The following ARHGAP44 variants were observed in gnomAD, a reference collection of about 807,000 sequenced individuals.
ARHGAP44 encodes the protein rho GTPase-activating protein 44.
A neutral mutation model predicts 106.8 loss-of-function variants in ARHGAP44; 43 were observed. That is an observed-to-expected ratio of 0.40 (90% CI 0.32 to 0.52). The LOEUF (loss-of-function observed/expected upper bound fraction) is 0.52, where lower values mean the gene tolerates loss of function less well. Ranked by LOEUF, ARHGAP44 falls within the 20% of genes least tolerant of loss-of-function variation. The probability of loss-of-function intolerance (pLI) is 0.48; values close to 1 mark genes in which losing one functional copy is unlikely to be tolerated. For missense variants in ARHGAP44, 866 were observed against 1,050.5 expected, an observed-to-expected ratio of 0.82 and a Z score of 2.43; for synonymous variants, 439 against 410.3, an observed-to-expected ratio of 1.07 and a Z score of -0.85.
At chr17:12,969,044 T>C (rs57089639) in intron 16 of ARHGAP44, among the ~76,000 whole-genome samples, 15,787 of 152,212 alleles carry the variant, frequency 0.1, 945 homozygotes, top group South Asian at 0.2. Context: ...GTTGGGATTA[T>C]AGGTGTGAGC....
intron 10 of ARHGAP44, among the ~76,000 whole-genome samples, chr17:12,948,750 A>C (rs920804237): frequency 9.3e-5 from 14 of 150,996 alleles, no homozygotes; most frequent in East Asian, 7.8e-4. Context: ...ACACACACAC[A>C]CCCCCTGTAG....
chr17:12,898,090 C>G (rs2037266248), intron 3 of ARHGAP44, among the ~76,000 whole-genome samples: 1 of 152,124 alleles, frequency 6.6e-6, no homozygotes, highest in African/African-American at 2.4e-5. Context: ...CCACATCACC[C>G]AGAGGGCCAC....
intron 8 of ARHGAP44, among the ~76,000 whole-genome samples, chr17:12,941,458 G>T (rs532073237): frequency 6.6e-6 from 1 of 152,034 alleles, no homozygotes. Flanking sequence ...GGCATTTAGA[G>T]GGCAGAGGCC....
At position 12,958,226 on chromosome 17, in the gene ARHGAP44, C is replaced by A. The variant is rs1259156726; in HGVS notation, c.1343-491C>A. On this transcript the variant is annotated intron_variant, in intron 15 of 20. Transcript: ENST00000379672. The surrounding 1 kb of genome is among the most constrained non-coding windows in gnomAD (Gnocchi z 4.1). ...TTAATGAAATCTATATTTCTAATAT[C>A]TTGAATTTATTCTCTATGGTTTTCC... 6.6e-6 allele frequency among the ~76,000 whole-genome samples: 1 copy of A among 152,200 alleles called. No homozygotes were observed. The highest frequency in any genetic ancestry group is 1.5e-5 in the Non-Finnish European group (1 of 68,030).
At chr17:12,823,828 A>C (rs539435741) in intron 1 of ARHGAP44, among the ~76,000 whole-genome samples, 3 of 152,200 alleles carry the variant, frequency 2.0e-5, no homozygotes, top group Admixed American at 2.0e-4. Context: ...TCTCACATTC[A>C]TGGTATATAT....
intron 1 of ARHGAP44, among the ~76,000 whole-genome samples, chr17:12,855,049 G>A (rs192116594): frequency 1.3e-5 from 2 of 151,978 alleles, no homozygotes; most frequent in East Asian, 3.9e-4. Flanking sequence ...AGGACAGGAA[G>A]GGGAGGCTTT....
chr17:12,926,461 T>C (rs2038240970), intron 6 of ARHGAP44, among the ~76,000 whole-genome samples: 1 of 108,244 alleles, frequency 9.2e-6, no homozygotes. Context: ...TATATATACA[T>C]ATATAATATA....
chr17:12,841,639 C>CAAAAAAAAAAA (rs1331198278), intron 1 of ARHGAP44, among the ~76,000 whole-genome samples: 4 of 137,466 alleles, frequency 2.9e-5, no homozygotes, highest in African/African-American at 1.2e-4. Context: ...CACACACACA[C>CAAAAAAAAAAA]AAACAAACAA....
intron 5 of ARHGAP44, among the ~76,000 whole-genome samples, chr17:12,916,761 C>G (rs1056045974): frequency 6.6e-5 from 10 of 152,128 alleles, no homozygotes; most frequent in African/African-American, 2.4e-4. Context: ...TAAAAAGCAA[C>G]CTTAATGCCT....
intron 7 of ARHGAP44, among the ~76,000 whole-genome samples, chr17:12,940,482 A>G (rs999323901): frequency 1.3e-5 from 2 of 152,320 alleles, no homozygotes; most frequent in Middle Eastern, 3.4e-3. Context: ...TAACACCATT[A>G]GATCTGTGTG....
rs139086511 is a variant in ARHGAP44, at chr17:12,820,004, C to G, written c.53+30113C>G. Among the ~76,000 whole-genome samples the G allele has an allele frequency of 2.4e-3, 366 of 152,184 alleles. 7 individuals carry two copies. The highest frequency in any genetic ancestry group is 8.4e-3 in the African/African-American group (350 of 41,540). On this transcript the variant is annotated intron_variant, in intron 1 of 20. Coordinates refer to ENST00000379672, the MANE Select transcript of ARHGAP44 (RefSeq NM_014859.6). ...TGCCTATGCCATAGAAGGAGATATT[C>G]TGCATTTTCATTTGGAGGCTTTATT...
chr17:12,896,605 A>G, intron 3 of ARHGAP44, 94 bp downstream of exon 3: 1 of 1,096,162 alleles, frequency 9.1e-7, no homozygotes, highest in Non-Finnish European at 1.3e-6. Flanking sequence ...CTGTTTATGT[A>G]GCTGCTTACG....
At chr17:12,860,693 CA>C (rs1357201739) in intron 1 of ARHGAP44, among the ~76,000 whole-genome samples, 1 of 152,076 alleles carries the variant, frequency 6.6e-6, no homozygotes, top group Non-Finnish European at 1.5e-5. Flanking sequence ...TGGTTTTCTT[CA>C]AGGAGCTATC....
At chr17:12,845,402 G>A (rs1344920413) in intron 1 of ARHGAP44, among the ~76,000 whole-genome samples, 2 of 151,560 alleles carry the variant, frequency 1.3e-5, no homozygotes, top group Non-Finnish European at 2.9e-5. Flanking sequence ...CAGCTACTCG[G>A]GAGGCTGAGG....
rs1383027802 is a variant in ARHGAP44 at position 12,897,083 on chromosome 17, T to C, written c.198+572T>C. On this transcript the variant is annotated intron_variant, in intron 3 of 20. Transcript: ENST00000379672. ...TATAATGCGATTCCATTTCAACAGT[T>C]CTTGGCATGAACAGCCTCTGCAGGT... 7.2e-5 allele frequency among the ~76,000 whole-genome samples: 11 copies of C among 152,290 alleles called. No homozygotes were observed. The East Asian group carries it at 1.7e-3, about 24-fold the overall frequency.
intron 12 of ARHGAP44, among the ~76,000 whole-genome samples, chr17:12,952,135 T>G (rs1337535210): frequency 6.6e-6 from 1 of 152,188 alleles, no homozygotes; most frequent in Non-Finnish European, 1.5e-5. Context: ...TTACATGATC[T>G]GTTTCCACGC....
chr17:12,920,078 T>C (rs2038029525), intron 6 of ARHGAP44, among the ~76,000 whole-genome samples: 1 of 151,896 alleles, frequency 6.6e-6, no homozygotes. Context: ...TAGAAAGATA[T>C]GTCATATAAA....
rs146801593 is a variant in ARHGAP44, at chr17:12,841,585, G to GTCTCTCTCTCTC, written c.53+51704_53+51705insTCTCTCTCTCTC. Reference sequence around the variant, plus strand: ...CAACAGAGTGAGACCCTGTCTCTCTGTCTCTCTCTCACACACACACACACA... The same window carrying GTCTCTCTCTCTC: ...CAACAGAGTGAGACCCTGTCTCTCTGTCTCTCTCTCTCTCTCTCTCTCACACACACACACACA... On this transcript the variant is annotated intron_variant, in intron 1 of 20. Transcript: ENST00000379672. Among the ~76,000 whole-genome samples, 316 of 123,170 alleles carry GTCTCTCTCTCTC rather than the reference G, an allele frequency of 2.6e-3. 3 individuals are homozygous for GTCTCTCTCTCTC. The highest frequency in any genetic ancestry group is 9.3e-3 in the African/African-American group (260 of 27,902). 80.8% of individuals were successfully genotyped at this position (123,170 alleles called of 152,430 possible).
intron 1 of ARHGAP44, among the ~76,000 whole-genome samples, chr17:12,863,519 T>A (rs2036150557): frequency 6.6e-6 from 1 of 152,186 alleles, no homozygotes; most frequent in Admixed American, 6.5e-5. Context: ...TGTGCCAATT[T>A]CCTCCCATTT....
Sources: gnomAD v4.1 joint callset for allele counts (sites outside exome capture counted in the v4.1 genomes callset) on GRCh38, gnomAD v4.1.1 for gene constraint, Gnocchi (gnomAD v3.1) non-coding constraint, MANE v1.5 for transcripts, NCBI Gene and HGNC (gene_info 2026-07-23, HGNC 2026-07-21) for gene names.